The following CSDE1 variants were observed in gnomAD, a reference collection of about 807,000 sequenced individuals.
CSDE1 encodes the protein cold shock domain containing E1.
CSDE1 carries 17 observed loss-of-function variants against 89.3 expected under a neutral mutation model. The observed-to-expected ratio is 0.19, with a 90% confidence interval of 0.13 to 0.29. The LOEUF (loss-of-function observed/expected upper bound fraction) is 0.29. CSDE1 is among the 10% of genes least tolerant of loss of function. The pLI is 1.00. For missense variants in CSDE1, 672 were observed against 984.2 expected (o/e 0.68, Z 4.24); for synonymous variants, 322 against 332.8 (o/e 0.97, Z 0.35).
chr1:114,718,873 A>G, intron 18 of CSDE1, 128 bp from the exon 19 acceptor site: 1 of 969,922 alleles, frequency 1.0e-6, no homozygotes, highest in South Asian at 1.7e-5. Context: ...CTTGCCTCAT[A>G]TACCTAGCTA....
rs41274132 is a variant in CSDE1 at position 114,750,181 on chromosome 1, G to A, written c.-361C>T. 306 of 152,724 alleles carry A rather than the reference G, an allele frequency of 2.0e-3. No homozygotes were observed. The highest frequency in any genetic ancestry group is 3.3e-3 in the Non-Finnish European group (224 of 68,014). The allele number at this position is 152,724 out of a possible 1,614,324, so 9.5% of individuals were successfully genotyped here. On this transcript the variant is annotated 5_prime_UTR_variant, in exon 2 of 20. Transcript: ENST00000358528. ...GAACTTGAAGCAGCAGTTTCAGGTGGTAAAGTCTGTTCTGTTACACTTCAT... is the reference window on the plus strand; with the variant it reads ...GAACTTGAAGCAGCAGTTTCAGGTGATAAAGTCTGTTCTGTTACACTTCAT...
At chr1:114,732,920 T>C in intron 9 of CSDE1, 104 bp from the exon 10 acceptor site, 1 of 983,692 alleles carries the variant, frequency 1.0e-6, no homozygotes, top group Non-Finnish European at 1.5e-6. Context: ...TTTAACTTAG[T>C]TCCCTGAAGC....
chr1:114,726,072 G>GT, intron 14 of CSDE1, 139 bp downstream of exon 14: 1 of 895,114 alleles, frequency 1.1e-6, no homozygotes, highest in African/African-American at 1.7e-5. Context: ...ATTAACTTCA[G>GT]TTTATATCTT....
rs757953004 is a variant in CSDE1 at position 114,720,735 on chromosome 1, A to T, written c.1874-18T>A. On this transcript the variant is annotated intron_variant, in intron 16 of 19. Transcript: ENST00000358528. ...CATATCGCCTGTAAAACAGGTACAA[A>T]GTCTAAAAGCTAGTATTTCACAACA... The T allele has an allele frequency of 1.1e-5, 17 of 1,612,240 alleles. No homozygotes were observed. The highest frequency in any genetic ancestry group is 1.4e-5 in the Non-Finnish European group (17 of 1,178,692).
chr1:114,753,495 A>G (rs1395291321), intron 1 of CSDE1, among the ~76,000 whole-genome samples: 2 of 152,230 alleles, frequency 1.3e-5, no homozygotes, highest in Non-Finnish European at 2.9e-5. Flanking sequence ...AGTTTAATAT[A>G]AATAGCTATC....
At chr1:114,736,941 ACTGGCATTTTAAG>A in intron 5 of CSDE1, 86 bp from the exon 6 acceptor site, 1 of 1,062,992 alleles carries the variant, frequency 9.4e-7, no homozygotes, top group Non-Finnish European at 1.4e-6. Context: ...AACCTCTTAT[ACTGGCATTTTAAG>A]CCAAATTTCT....
At chr1:114,748,187 T>G (rs1467150707) in intron 2 of CSDE1, 1 of 152,234 alleles carries the variant, frequency 6.6e-6, no homozygotes. Flanking sequence ...AAGCGCTTCT[T>G]GAAATAGCAG....
rs116596570 is a variant in CSDE1, at chr1:114,731,966, C to G, written c.1050+638G>C. Among the ~76,000 whole-genome samples, 1,020 of 152,190 alleles carry G rather than the reference C, an allele frequency of 6.7e-3. 16 individuals carry two copies. The highest frequency in any genetic ancestry group is 0.023 in the African/African-American group (958 of 41,512). The stretch of plus-strand genomic sequence containing the variant: ...AGTAGTTAGGATTACAGGTGCCCAC[C>G]GTCACACCTGGCTAATTTTTCTATT... On this transcript the variant is annotated intron_variant, in intron 10 of 19. Transcript: ENST00000358528.
At chr1:114,741,541 T>A in intron 2 of CSDE1, 1 of 1,550,094 alleles carries the variant, frequency 6.5e-7, no homozygotes, top group Non-Finnish European at 8.7e-7. Flanking sequence ...CTCTGATAAG[T>A]TGGGGTCCTC....
intron 5 of CSDE1, among the ~76,000 whole-genome samples, chr1:114,737,205 C>A (rs762315651): frequency 2.0e-5 from 3 of 152,008 alleles, no homozygotes; most frequent in South Asian, 2.1e-4. Context: ...AGATCCCCCC[C>A]ACAACCCCCA....
In CSDE1 at chr1:114,723,942, A is replaced by G. The variant is rs759346982; in HGVS notation, c.1814T>C (p.Leu605Pro). The G allele has an allele frequency of 6.2e-7, 1 of 1,614,078 alleles. No individual in the cohort carries two copies. The highest frequency in any genetic ancestry group is 8.5e-7 in the Non-Finnish European group (1 of 1,179,938). The change falls in exon 16 of 20, where the codon CTG (leucine) becomes CCG (proline). Residue 605 changes from leucine (L) to proline (P), a missense_variant. Leu to Pro is a moderately conservative substitution (Grantham distance 98). Around this residue, in one of 8 missense-constraint regions of CSDE1, gnomAD observed 206 missense variants for 332.4 expected, o/e 0.62. Transcript: ENST00000358528. ...AGTCTGTGTTGGATCAACACTCCTC[A>G]GGGGGCGAATTACTTTGCCAGAGTA... ...TIYSGKVIRP[L>P]RSVDPTQTEY...
chr1:114,724,080 C>T lies in CSDE1; in HGVS notation c.1754-78G>A, dbSNP rs1298782718. 6.7e-6 allele frequency: 10 copies of T among 1,501,714 alleles called. No homozygotes were observed. In the East Asian group the frequency reaches 2.3e-4, roughly 35 times the overall value. The allele number at this position is 1,501,714 out of a possible 1,614,324, so 93.0% of individuals were successfully genotyped here. Reference sequence around the variant, plus strand: ...AGAAAGACAAGTAAGCAAAAAATAACAGCACAAATGTTAACAGGGTAGGTT... The same window carrying T: ...AGAAAGACAAGTAAGCAAAAAATAATAGCACAAATGTTAACAGGGTAGGTT... On this transcript the variant is annotated intron_variant, in intron 15 of 19. Transcript: ENST00000358528.
chr1:114,732,484 C>A, intron 10 of CSDE1, 120 bp downstream of exon 10: 2 of 819,190 alleles, frequency 2.4e-6, no homozygotes, highest in East Asian at 5.3e-5. Context: ...ATCACCTTAA[C>A]AAGGTAAATG....
At position 114,724,048 on chromosome 1, in the gene CSDE1, A is replaced by G. The variant is rs371086760; in HGVS notation, c.1754-46T>C. On this transcript the variant is annotated intron_variant, in intron 15 of 19. Coordinates refer to ENST00000358528, the MANE Select transcript of CSDE1 (RefSeq NM_001007553.3). ...CATCTTTCAATTTTATTTCATCTCT[A>G]CTACATAGAAAGACAAGTAAGCAAA... 8 of 1,577,814 alleles carry G rather than the reference A, an allele frequency of 5.1e-6. No individual in the cohort carries two copies. The Admixed American group carries it at 1.3e-4, about 25-fold the overall frequency.
chr1:114,754,401 G>A (rs189802603), intron 1 of CSDE1, among the ~76,000 whole-genome samples: 3 of 152,310 alleles, frequency 2.0e-5, no homozygotes, highest in Admixed American at 1.3e-4. Flanking sequence ...ACATTTATGT[G>A]GTAAGTAATC....
At position 114,726,965 on chromosome 1, in the gene CSDE1, T is replaced by A; in HGVS notation, c.1464+18A>T. On this transcript the variant is annotated intron_variant, in intron 13 of 19. Transcript: ENST00000358528. ...TGACAACTCTTAACCCTCTCTCGAA[T>A]GAGCAGAATTATCTTGCCTTATCTC... 1 of 1,530,530 alleles carries A rather than the reference T, an allele frequency of 6.5e-7. No homozygotes were observed. Among genetic ancestry groups the A allele is most frequent in the Non-Finnish European group, 9.1e-7 (1 of 1,104,458 alleles). 94.8% of individuals were successfully genotyped at this position (1,530,530 alleles called of 1,614,324 possible). A position where few individuals can be genotyped will look rare whatever the true frequency, so the allele number is the denominator to read the frequency against.
At chr1:114,749,156 C>CTG (rs768303873) in intron 2 of CSDE1, among the ~76,000 whole-genome samples, 1 of 152,322 alleles carries the variant, frequency 6.6e-6, no homozygotes. Context: ...TATCCCTTTT[C>CTG]TGTAGGCTTT....
At chr1:114,740,621 T>C (rs1005373815) in intron 2 of CSDE1, among the ~76,000 whole-genome samples, 5 of 152,206 alleles carry the variant, frequency 3.3e-5, no homozygotes, top group Admixed American at 1.3e-4. Context: ...TCTGTAACTA[T>C]CACTTCGTTC....
chr1:114,745,181 A>T (rs1202036351), intron 2 of CSDE1, among the ~76,000 whole-genome samples: 3 of 152,216 alleles, frequency 2.0e-5, no homozygotes, highest in African/African-American at 7.2e-5. Flanking sequence ...ATTTAGCAAC[A>T]TGTATCAAAA....
Sources: allele counts gnomAD v4.1 joint callset (sites outside exome capture counted in the v4.1 genomes callset), GRCh38; gene constraint gnomAD v4.1.1; regional missense constraint gnomAD v4.1.1; transcripts MANE v1.5; gene names NCBI Gene and HGNC (gene_info 2026-07-23, HGNC 2026-07-21).